The following C14orf180 variants were observed in gnomAD, a reference collection of about 807,000 sequenced individuals.
C14orf180 encodes nutritionally-regulated adipose and cardiac enriched protein homolog.
In C14orf180, 13 loss-of-function variants were observed where a neutral mutation model predicts 13.9. The observed-to-expected ratio is 0.94, with a 90% CI of 0.61 to 1.49. The LOEUF is 1.49. Ranked by LOEUF, C14orf180 falls within the 40% of genes most tolerant of loss-of-function variation. The pLI is 0.00. For synonymous variants in C14orf180, 113 were observed against 106.3 expected, an observed-to-expected ratio of 1.06 and a Z score of -0.39; for missense variants, 238 against 232.0, an observed-to-expected ratio of 1.03 and a Z score of -0.17.
At chr14:104,580,843 C>T (rs1325331708) in intron 1 of C14orf180, among the ~76,000 whole-genome samples, 2 of 152,248 alleles carry the variant, frequency 1.3e-5, no homozygotes, top group African/African-American at 4.8e-5. Flanking sequence ...GTCCCCCGCC[C>T]TGTCTGTCTG....
At chr14:104,587,985 G>T in intron 3 of C14orf180, 107 bp downstream of exon 3, 1 of 1,392,388 alleles carries the variant, frequency 7.2e-7, no homozygotes, top group Non-Finnish European at 9.6e-7. Context: ...AGGACATGGG[G>T]GGGCCGTGGC....
At chr14:104,588,343 G>A in intron 4 of C14orf180, 34 bp downstream of exon 4, 1 of 1,613,518 alleles carries the variant, frequency 6.2e-7, no homozygotes, top group Non-Finnish European at 8.5e-7. Flanking sequence ...GTGCCCCACT[G>A]CCCCCTCCGT....
At chr14:104,588,233 G>C in intron 3 of C14orf180, 41 bp from the exon 4 acceptor site, 1 of 1,613,264 alleles carries the variant, frequency 6.2e-7, no homozygotes, top group Non-Finnish European at 8.5e-7. Flanking sequence ...CCGATGGACT[G>C]AGGCAGGTGC....
intron 1 of C14orf180, among the ~76,000 whole-genome samples, chr14:104,585,324 G>T (rs559960753): frequency 6.6e-6 from 1 of 152,206 alleles, no homozygotes; most frequent in Non-Finnish European, 1.5e-5. Flanking sequence ...TCAGTTTCCC[G>T]ACCTGAAGCA....
In C14orf180 at chr14:104,586,345, T is replaced by C. The variant is rs968070855; in HGVS notation, c.-16-70T>C. 1.2e-5 allele frequency: 13 copies of C among 1,074,258 alleles called. No homozygotes were observed. In the Admixed American group the frequency reaches 4.5e-4, roughly 38 times the overall value. 66.5% of individuals were successfully genotyped at this position (1,074,258 alleles called of 1,614,324 possible). A position where few individuals can be genotyped will look rare whatever the true frequency, so the allele number is the denominator to read the frequency against. The stretch of plus-strand genomic sequence containing the variant: ...TGGCTTCCAGGAAAGAATTTTCTCC[T>C]CCTCTTATTTTCATTCCTCTGAGTG... On this transcript the variant is annotated intron_variant, in intron 1 of 4. Coordinates refer to ENST00000557649, the MANE Select transcript of C14orf180 (RefSeq NM_001008404.3).
At chr14:104,584,909 A>T (rs867024982) in intron 1 of C14orf180, among the ~76,000 whole-genome samples, 10 of 152,166 alleles carry the variant, frequency 6.6e-5, no homozygotes, top group Non-Finnish European at 1.0e-4. Context: ...CCACCCTGTT[A>T]TCTCCTGTAG....
At chr14:104,581,028 C>T (rs1886414332) in intron 1 of C14orf180, 1 of 152,408 alleles carries the variant, frequency 6.6e-6, no homozygotes, top group Admixed American at 6.5e-5. Context: ...CTGGTAGGGC[C>T]TGCAGGCACC....
At chr14:104,582,091 G>A (rs1396760003) in intron 1 of C14orf180, among the ~76,000 whole-genome samples, 4 of 152,196 alleles carry the variant, frequency 2.6e-5, no homozygotes, top group African/African-American at 7.2e-5. Context: ...GGCACTGCCC[G>A]CCCCGAGGAA....
chr14:104,583,677 G>A (rs762965655), intron 1 of C14orf180, among the ~76,000 whole-genome samples: 2 of 152,130 alleles, frequency 1.3e-5, no homozygotes, highest in Non-Finnish European at 1.5e-5. Context: ...GCGAAGTCGC[G>A]TCCTCCCCAA....
chr14:104,587,709 C>T (rs761346458), intron 2 of C14orf180, 40 bp from the exon 3 acceptor site: 24 of 1,605,998 alleles, frequency 1.5e-5, no homozygotes, highest in Admixed American at 6.8e-5. Flanking sequence ...AGCGGCCTCC[C>T]GCCGGGGACT....
intron 1 of C14orf180, among the ~76,000 whole-genome samples, chr14:104,580,831 G>C (rs554540457): frequency 6.6e-6 from 1 of 152,242 alleles, no homozygotes; most frequent in African/African-American, 2.4e-5. Flanking sequence ...GGGCCTGGGG[G>C]GGTCCCCCGC....
In C14orf180 at chr14:104,589,601, C is replaced by G. The variant is rs1449413048; in HGVS notation, c.*818C>G. On this transcript the variant is annotated 3_prime_UTR_variant, in exon 5 of 5. Transcript: ENST00000557649. This position sits in a 1 kb window ranked among gnomAD's most constrained non-coding sequence, Gnocchi z 4.9. ...CCGGATTGCAGAGCTGAAGGGAGCC[C>G]TGTGGATGACAAACACCAGGGGCCT... The G allele has an allele frequency of 6.6e-6, 1 of 152,646 alleles. No individual in the cohort carries two copies. The highest frequency in any genetic ancestry group is 1.5e-5 in the Non-Finnish European group (1 of 68,062). The allele number at this position is 152,646 out of a possible 1,614,324, so 9.5% of individuals were successfully genotyped here. A position where few individuals can be genotyped will look rare whatever the true frequency, so the allele number is the denominator to read the frequency against.
chr14:104,582,305 C>G (rs1330863799), intron 1 of C14orf180, among the ~76,000 whole-genome samples: 1 of 152,198 alleles, frequency 6.6e-6, no homozygotes, highest in African/African-American at 2.4e-5. Context: ...GCAAGAACCA[C>G]TGGCCCGCCC....
chr14:104,580,182 C>A (rs1886390669), intron 1 of C14orf180, among the ~76,000 whole-genome samples, 179 bp downstream of exon 1: 1 of 151,974 alleles, frequency 6.6e-6, no homozygotes, highest in Admixed American at 6.5e-5. Context: ...GGGGAACCTG[C>A]CCCAGCTGGG....
intron 2 of C14orf180, among the ~76,000 whole-genome samples, 172 bp downstream of exon 2, chr14:104,586,713 G>A (rs930276658): frequency 6.6e-6 from 1 of 152,066 alleles, no homozygotes; most frequent in Non-Finnish European, 1.5e-5. Flanking sequence ...GGGGCAATGG[G>A]TGCCTTGAAG....
In C14orf180 at chr14:104,586,559, G is replaced by T. The variant is rs952358418; in HGVS notation, c.111+18G>T. On this transcript the variant is annotated intron_variant, in intron 2 of 4. Coordinates refer to ENST00000557649, the MANE Select transcript of C14orf180 (RefSeq NM_001008404.3). ...CAGAGAGGGTAAGGCGGGCCGCTGG[G>T]ACACAGCTTCTGCAAGCTGGCCTTC... 1.8e-5 allele frequency: 26 copies of T among 1,470,970 alleles called. No homozygotes were observed. The highest frequency in any genetic ancestry group is 2.3e-5 in the Admixed American group (1 of 42,908). The allele number at this position is 1,470,970 out of a possible 1,614,324, so 91.1% of individuals were successfully genotyped here.
At chr14:104,586,190 G>C (rs1234201864) in intron 1 of C14orf180, among the ~76,000 whole-genome samples, 1 of 152,226 alleles carries the variant, frequency 6.6e-6, no homozygotes, top group Non-Finnish European at 1.5e-5. Context: ...GACCGTGGCA[G>C]CAAAGGAAAT....
chr14:104,581,883 G>C (rs1036935152), intron 1 of C14orf180, among the ~76,000 whole-genome samples: 1 of 152,182 alleles, frequency 6.6e-6, no homozygotes, highest in Non-Finnish European at 1.5e-5. Context: ...AGGCTGTGAG[G>C]CTGCCGTGTG....
intron 4 of C14orf180, 57 bp downstream of exon 4, chr14:104,588,366 C>G (rs767818995): frequency 6.2e-7 from 1 of 1,600,968 alleles, no homozygotes; most frequent in African/African-American, 1.3e-5. Flanking sequence ...GTGCACCCAC[C>G]CTCACTCCCT....
Sources: allele counts gnomAD v4.1 joint callset (sites outside exome capture counted in the v4.1 genomes callset), GRCh38; gene constraint gnomAD v4.1.1; non-coding constraint Gnocchi (gnomAD v3.1); transcripts MANE v1.5; gene names NCBI Gene and HGNC (gene_info 2026-07-23, HGNC 2026-07-21).